The following SEL1L variants were observed in gnomAD, a reference collection of about 807,000 sequenced individuals.
SEL1L encodes the protein protein sel-1 homolog 1.
SEL1L carries 52 observed loss-of-function variants against 109.8 expected under a neutral mutation model. The ratio of observed to expected loss-of-function variants is 0.47; its 90% CI spans 0.38 to 0.60. The LOEUF is 0.60. SEL1L is among the 20% of genes least tolerant of loss of function. The probability of loss-of-function intolerance (pLI) is 0.00; values close to 1 mark genes in which losing one functional copy is unlikely to be tolerated. For synonymous variants in SEL1L, 373 were observed against 339.6 expected (o/e 1.10, Z -1.08); for missense variants, 749 against 962.2 (o/e 0.78, Z 2.93).
intron 3 of SEL1L, among the ~76,000 whole-genome samples, chr14:81,519,790 T>C (rs1036475842): frequency 1.3e-5 from 2 of 152,092 alleles, no homozygotes; most frequent in African/African-American, 2.4e-5. Context: ...TTTGTGACAG[T>C]GGATTTGGGC....
At chr14:81,503,575 A>G (rs896519943) in intron 5 of SEL1L, among the ~76,000 whole-genome samples, 4 of 152,258 alleles carry the variant, frequency 2.6e-5, no homozygotes, top group East Asian at 1.9e-4. Context: ...TGTTTTTCAT[A>G]TAAGGTACCA....
chr14:81,530,068 T>C (rs1426930798), intron 1 of SEL1L, among the ~76,000 whole-genome samples: 1 of 152,262 alleles, frequency 6.6e-6, no homozygotes, highest in Non-Finnish European at 1.5e-5. Context: ...ATTTTTATTG[T>C]ATTAGCTAAC....
chr14:81,508,437 C>T (rs891684251), intron 3 of SEL1L, among the ~76,000 whole-genome samples: 2 of 151,950 alleles, frequency 1.3e-5, no homozygotes, highest in Admixed American at 1.3e-4. Context: ...CCAAATCTGC[C>T]GCTGCTTTAG....
In SEL1L at chr14:81,504,322, C is replaced by A. The variant is rs755049291; in HGVS notation, c.509-16G>T. 1.9e-6 allele frequency: 3 copies of A among 1,546,566 alleles called. No individual in the cohort carries two copies. The highest frequency in any genetic ancestry group is 2.6e-6 in the Non-Finnish European group (3 of 1,138,190). ...TCTTCTTCAGCTAAAAACAAAACGT[C>A]AGATGCATTTAAATGGATTTTAATT... is the stretch of plus-strand genomic sequence containing the variant. On this transcript the variant is annotated splice_polypyrimidine_tract_variant and intron_variant, in intron 4 of 20. Coordinates refer to ENST00000336735, the MANE Select transcript of SEL1L (RefSeq NM_005065.6).
In SEL1L at chr14:81,474,926, C is replaced by T. The variant is rs964419273; in HGVS notation, c.*2046G>A. 14 of 152,060 alleles carry T rather than the reference C, an allele frequency of 9.2e-5. No individual in the cohort carries two copies. Among genetic ancestry groups the T allele is most frequent in the Non-Finnish European group, 1.8e-4 (12 of 68,028 alleles). The allele number at this position is 152,060 out of a possible 1,614,324, so 9.4% of individuals were successfully genotyped here. On this transcript the variant is annotated 3_prime_UTR_variant, in exon 21 of 21. Transcript: ENST00000336735. ...TTTTAAGAAATGTTTTCTCAAAGCA[C>T]GTACTCAATGGAGGGAAGGAAAGTT...
At chr14:81,529,384 T>A (rs963455843) in intron 1 of SEL1L, among the ~76,000 whole-genome samples, 1 of 152,178 alleles carries the variant, frequency 6.6e-6, no homozygotes, top group South Asian at 2.1e-4. Context: ...TAAACATATA[T>A]GAAATACCCC....
At chr14:81,485,087 C>G (rs1410495190) in intron 18 of SEL1L, among the ~76,000 whole-genome samples, 1 of 152,194 alleles carries the variant, frequency 6.6e-6, no homozygotes, top group African/African-American at 2.4e-5. Context: ...ATCATACATT[C>G]TATTTAATTC....
intron 3 of SEL1L, 98 bp downstream of exon 3, chr14:81,526,635 T>C (rs1438976451): frequency 1.2e-6 from 1 of 857,110 alleles, no homozygotes; most frequent in Non-Finnish European, 1.9e-6. Context: ...TGGGTAATAA[T>C]CAGTGAAGCC....
At chr14:81,480,758 C>A (rs1383274842) in intron 19 of SEL1L, among the ~76,000 whole-genome samples, 3 of 152,132 alleles carry the variant, frequency 2.0e-5, no homozygotes, top group African/African-American at 4.8e-5. Flanking sequence ...CTTGCATGGA[C>A]ATGTTAAGGG....
chr14:81,479,890 G>T, intron 19 of SEL1L, 150 bp from the exon 20 acceptor site: 1 of 686,868 alleles, frequency 1.5e-6, no homozygotes, highest in Non-Finnish European at 2.3e-6. Flanking sequence ...GCTTTACTTG[G>T]GTAAAATTCG....
Position 81,479,647 on chromosome 14 carries a change from C to A in SEL1L, c.2140G>T (p.Val714Phe). The change falls in exon 20 of 21, where the codon GTC becomes TTC. Residue 714 changes from valine to phenylalanine, a missense_variant. By Grantham distance (50) the Val-to-Phe change is conservative. Coordinates refer to ENST00000336735, the MANE Select transcript of SEL1L (RefSeq NM_005065.6). ...PVFLALCKLG[V>F]VYFLQYIRET... Reference sequence around the variant, plus strand: ...CGTATGTACTGCAAGAAATAGACGACGCCCAATTTGCAGAGGGCTAGGAAG... The same window carrying A: ...CGTATGTACTGCAAGAAATAGACGAAGCCCAATTTGCAGAGGGCTAGGAAG... 1 of 1,613,628 alleles carries A rather than the reference C, an allele frequency of 6.2e-7. No homozygotes were observed. Among genetic ancestry groups the A allele is most frequent in the Middle Eastern group, 1.7e-4 (1 of 6,060 alleles).
chr14:81,495,208 G>T, intron 10 of SEL1L, 71 bp from the exon 11 acceptor site: 1 of 1,378,918 alleles, frequency 7.3e-7, no homozygotes, highest in Non-Finnish European at 1.0e-6. Flanking sequence ...AGACCAACAA[G>T]AAATGATTTG....
At chr14:81,497,480 G>A (rs987388971) in intron 10 of SEL1L, among the ~76,000 whole-genome samples, 1 of 152,184 alleles carries the variant, frequency 6.6e-6, no homozygotes, top group African/African-American at 2.4e-5. Context: ...AAACACGAAT[G>A]GTAAATAGCT....
intron 5 of SEL1L, among the ~76,000 whole-genome samples, chr14:81,503,786 G>T (rs1228698650): frequency 6.6e-6 from 1 of 152,048 alleles, no homozygotes; most frequent in East Asian, 1.9e-4. Context: ...AAGGACATAA[G>T]ATGTTACGAG....
chr14:81,490,366 G>A (rs1883491474), intron 13 of SEL1L, 22 bp downstream of exon 13: 1 of 1,571,738 alleles, frequency 6.4e-7, no homozygotes, highest in Non-Finnish European at 8.8e-7. Flanking sequence ...ACACATTTCA[G>A]TACACTGAGA....
At position 81,495,155 on chromosome 14, in the gene SEL1L, C is replaced by T; in HGVS notation, c.1129-18G>A. The T allele has an allele frequency of 1.2e-6, 2 of 1,613,434 alleles. No individual in the cohort carries two copies. Among genetic ancestry groups the T allele is most frequent in the Non-Finnish European group, 8.5e-7 (1 of 1,179,524 alleles). On this transcript the variant is annotated intron_variant, in intron 10 of 20. Transcript: ENST00000336735. ...AGACCAACCTGAAAATGATCACAAA[C>T]AAGGCAAAAGTAAGTGGTACCATCT...
At chr14:81,514,583 C>A (rs1884622831) in intron 3 of SEL1L, among the ~76,000 whole-genome samples, 1 of 152,144 alleles carries the variant, frequency 6.6e-6, no homozygotes, top group African/African-American at 2.4e-5. Flanking sequence ...CTTCCTTGGT[C>A]CTCTTTGTGG....
intron 3 of SEL1L, among the ~76,000 whole-genome samples, chr14:81,517,593 A>T (rs1161069920): frequency 2.6e-5 from 4 of 152,184 alleles, no homozygotes; most frequent in African/African-American, 9.7e-5. Context: ...TTAACAGTGC[A>T]AACACTGAAT....
intron 3 of SEL1L, among the ~76,000 whole-genome samples, chr14:81,512,684 C>A (rs530946268): frequency 6.6e-6 from 1 of 152,292 alleles, no homozygotes; most frequent in African/African-American, 2.4e-5. Flanking sequence ...GTTACATGAG[C>A]CAAATAAACT....
Sources: gnomAD v4.1 joint callset for allele counts (sites outside exome capture counted in the v4.1 genomes callset) on GRCh38, gnomAD v4.1.1 for gene constraint, MANE v1.5 for transcripts, NCBI Gene and HGNC (gene_info 2026-07-23, HGNC 2026-07-21) for gene names.